The following PPP6R2 variants were observed in gnomAD, a reference collection of about 807,000 sequenced individuals.
PPP6R2 encodes protein phosphatase 6 regulatory subunit 2, also known as serine/threonine-protein phosphatase 6 regulatory subunit 2.
A neutral mutation model predicts 100.2 loss-of-function variants in PPP6R2; 62 were observed. The observed-to-expected ratio is 0.62, with a 90% confidence interval of 0.50 to 0.76. The LOEUF (loss-of-function observed/expected upper bound fraction) is 0.76. PPP6R2 is among the 30% of genes least tolerant of loss of function. The pLI, the probability that PPP6R2 is intolerant of heterozygous loss-of-function variation, is 0.00. For missense variants in PPP6R2, 1,142 were observed against 1,276.3 expected (o/e 0.89, Z 1.60); for synonymous variants, 525 against 514.7 (o/e 1.02, Z -0.27).
chr22:50,374,705 G>T (rs1293701169), intron 2 of PPP6R2, among the ~76,000 whole-genome samples: 2 of 152,072 alleles, frequency 1.3e-5, no homozygotes, highest in Admixed American at 1.3e-4. Flanking sequence ...CATAAGGTCA[G>T]GAGATTGAGA....
chr22:50,337,562 CTG>C, the PPP6R2 span, among the ~76,000 whole-genome samples: 5 of 79,236 alleles, frequency 6.3e-5, no homozygotes, highest in East Asian at 4.0e-4. Context: ...TGTGTGGGGT[CTG>C]TGTGTCTGTG....
Position 50,372,121 on chromosome 22 carries a change from C to T in PPP6R2, c.-46C>T, listed in dbSNP as rs1200469921. The T allele has an allele frequency of 6.6e-6, 1 of 152,130 alleles. No individual in the cohort carries two copies. The highest frequency in any genetic ancestry group is 1.9e-4 in the East Asian group (1 of 5,192). 9.4% of individuals were successfully genotyped at this position (152,130 alleles called of 1,614,324 possible). A position where few individuals can be genotyped will look rare whatever the true frequency, so the allele number is the denominator to read the frequency against. The stretch of plus-strand genomic sequence containing the variant: ...AATGTTTTTCTGTTTTGCCTGAATA[C>T]ATGATTTAAACAAGAGATTTCCACA... On this transcript the variant is annotated 5_prime_UTR_variant, in exon 2 of 24. Coordinates refer to ENST00000612753, the MANE Select transcript of PPP6R2 (RefSeq NM_001242898.2).
chr22:50,443,147 G>C (rs986027134), intron 22 of PPP6R2: 3 of 152,172 alleles, frequency 2.0e-5, no homozygotes, highest in African/African-American at 7.2e-5. Context: ...CTGACTGTCG[G>C]CAAAAACAAA....
At chr22:50,347,159 A>C (rs2043963810) in intron 1 of PPP6R2, among the ~76,000 whole-genome samples, 1 of 151,570 alleles carries the variant, frequency 6.6e-6, no homozygotes, top group African/African-American at 2.4e-5. Context: ...CCTCCCCATC[A>C]GTTCTCCCCT....
At chr22:50,398,891 A>G (rs1365778723) in intron 3 of PPP6R2, among the ~76,000 whole-genome samples, 1 of 152,220 alleles carries the variant, frequency 6.6e-6, no homozygotes, top group Non-Finnish European at 1.5e-5. Context: ...TTCCTTCTTC[A>G]GTCTGTCTGC....
chr22:50,382,268 C>G (rs551242738), intron 2 of PPP6R2, among the ~76,000 whole-genome samples: 1 of 152,070 alleles, frequency 6.6e-6, no homozygotes, highest in Non-Finnish European at 1.5e-5. Flanking sequence ...TTTACCCAAA[C>G]AGCTTTAAAG....
In PPP6R2 at chr22:50,406,997, C is replaced by T. The variant is rs2059049380; in HGVS notation, c.414+122C>T. ...CGCGGGAACAGCATCTGTGACTCTT[C>T]TGCGCAACACGTGGAGCAGTGTGTG... On this transcript the variant is annotated intron_variant, in intron 4 of 23. Transcript: ENST00000612753. 3.1e-6 allele frequency: 3 copies of T among 976,840 alleles called. No individual in the cohort carries two copies. The South Asian group carries it at 4.3e-5, about 14-fold the overall frequency. 60.5% of individuals were successfully genotyped at this position (976,840 alleles called of 1,614,324 possible). A position where few individuals can be genotyped will look rare whatever the true frequency, so the allele number is the denominator to read the frequency against.
At chr22:50,394,492 G>A (rs1001812631) in intron 3 of PPP6R2, among the ~76,000 whole-genome samples, 3 of 151,450 alleles carry the variant, frequency 2.0e-5, no homozygotes, top group African/African-American at 7.3e-5. Context: ...CCAGCTACTC[G>A]GGAGGCCGAG....
Position 50,436,421 on chromosome 22 carries a change from C to T in PPP6R2, c.1571C>T (p.Thr524Met), listed in dbSNP as rs377314097. 28 of 1,592,864 alleles carry T rather than the reference C, an allele frequency of 1.8e-5. 1 individual carries two copies. The highest frequency in any genetic ancestry group is 3.5e-4 in the Middle Eastern group (2 of 5,788). Residue 524 changes from threonine (T) to methionine (M), a missense_variant, in exon 14 of 24, where the codon ACG becomes ATG. Thr to Met is a moderately conservative substitution (Grantham distance 81, BLOSUM62 -1). Around this residue, in one of 2 missense-constraint regions of PPP6R2, gnomAD observed 592 missense variants for 758.9 expected, o/e 0.78. Transcript: ENST00000612753. ...GAGAGCTTCGTGGAGGAGACGCTGA[C>T]GGAGACGAACCGCAGGAACACTGTG... is the stretch of plus-strand genomic sequence containing the variant. The part of the protein sequence containing the change: ...RWESFVEETL[T>M]ETNRRNTVDL...
In PPP6R2 at chr22:50,406,714, C is replaced by G. The variant is rs1427836149; in HGVS notation, c.253C>G (p.Leu85Val). Residue 85 changes from leucine (L) to valine (V), a missense_variant, in exon 4 of 24, where the codon CTG (leucine) becomes GTG (valine). Leu to Val is a conservative substitution (Grantham distance 32, BLOSUM62 1). This residue lies in a region of PPP6R2 where 592 missense variants were observed against 758.9 expected (regional missense o/e 0.78). Transcript: ENST00000612753. ...ATATCCAAACACAGCCTGTGAGCTT[C>G]TGACTTGTGATGTGCCGCAGATCAG... is the stretch of plus-strand genomic sequence containing the variant. ...FKYPNTACEL[L>V]TCDVPQISDR... is the part of the protein sequence containing the mutation. 6.2e-7 allele frequency: 1 copy of G among 1,613,856 alleles called. No homozygotes were observed. Among genetic ancestry groups the G allele is most frequent in the Admixed American group, 1.7e-5 (1 of 60,012 alleles).
At chr22:50,422,106 G>T in intron 8 of PPP6R2, 148 bp from the exon 9 acceptor site, 1 of 937,186 alleles carries the variant, frequency 1.1e-6, no homozygotes, top group Non-Finnish European at 1.6e-6. Context: ...GATCACGTGT[G>T]GAGACGCTGG....
At chr22:50,353,540 T>G (rs1379934096) in intron 1 of PPP6R2, among the ~76,000 whole-genome samples, 6 of 152,140 alleles carry the variant, frequency 3.9e-5, no homozygotes, top group African/African-American at 7.2e-5. Context: ...TGAAAGAGTT[T>G]GAAATATTGT....
At chr22:50,388,747 C>G (rs980751083) in intron 2 of PPP6R2, among the ~76,000 whole-genome samples, 7 of 151,958 alleles carry the variant, frequency 4.6e-5, no homozygotes, top group African/African-American at 1.7e-4. Flanking sequence ...TGGCAGGCAC[C>G]TGTAGTCCCA....
Position 50,422,237 on chromosome 22 carries a change from G to C in PPP6R2, c.846-17G>C. ...GTCCTGGTGTCCCCGGTCTCCATCT[G>C]CTTTCCTCATCCACAGGACAGAGGG... On this transcript the variant is annotated splice_polypyrimidine_tract_variant and intron_variant, in intron 8 of 23. Coordinates refer to ENST00000612753, the MANE Select transcript of PPP6R2 (RefSeq NM_001242898.2). 1 of 1,611,248 alleles carries C rather than the reference G, an allele frequency of 6.2e-7. No individual in the cohort carries two copies.
chr22:50,414,018 C>T (rs1404107972), intron 4 of PPP6R2, among the ~76,000 whole-genome samples: 1 of 152,216 alleles, frequency 6.6e-6, no homozygotes, highest in Non-Finnish European at 1.5e-5. Context: ...CTTGTTGGCA[C>T]TGGTCATCAG....
intron 4 of PPP6R2, among the ~76,000 whole-genome samples, chr22:50,411,263 G>A (rs2059700516): frequency 6.6e-6 from 1 of 152,090 alleles, no homozygotes; most frequent in African/African-American, 2.4e-5. Context: ...AGAGCAGCCT[G>A]GCCAACATGC....
At chr22:50,404,148 G>A (rs1161990805) in intron 3 of PPP6R2, among the ~76,000 whole-genome samples, 4 of 149,822 alleles carry the variant, frequency 2.7e-5, no homozygotes, top group Admixed American at 2.0e-4. Flanking sequence ...AGACTGGAGT[G>A]CAGTGGCTTG....
intron 22 of PPP6R2, among the ~76,000 whole-genome samples, chr22:50,442,876 T>C (rs2066021870): frequency 6.7e-6 from 1 of 149,208 alleles, no homozygotes; most frequent in African/African-American, 2.4e-5. Flanking sequence ...CTTAACAGTC[T>C]TTACCCTGCC....
intron 1 of PPP6R2, among the ~76,000 whole-genome samples, chr22:50,370,498 A>G (rs775457274): frequency 6.4e-4 from 97 of 151,662 alleles, no homozygotes; most frequent in Non-Finnish European, 1.2e-3. Flanking sequence ...TATGTTGGCC[A>G]GACTGGTCTC....
Sources: gnomAD v4.1 joint callset for allele counts (sites outside exome capture counted in the v4.1 genomes callset) on GRCh38, gnomAD v4.1.1 for gene constraint, gnomAD v4.1.1 regional missense constraint, MANE v1.5 for transcripts, NCBI Gene and HGNC (gene_info 2026-07-23, HGNC 2026-07-21) for gene names.